MTF1: variants seen among roughly 807,000 people sequenced by gnomAD.
MTF1 encodes MRE-binding transcription factor.
A neutral mutation model predicts 70.4 loss-of-function variants in MTF1; 22 were observed. The observed-to-expected ratio is 0.31, with a 90% CI of 0.22 to 0.45. MTF1 has a LOEUF of 0.45. Ranked by LOEUF, MTF1 falls within the 20% of genes least tolerant of loss-of-function variation. MTF1 has a pLI of 1.00. For synonymous variants in MTF1, 333 were observed against 352.8 expected (o/e 0.94, Z 0.63); for missense variants, 649 against 922.0 (o/e 0.70, Z 3.83).
intron 2 of MTF1, among the ~76,000 whole-genome samples, chr1:37,847,955 C>A (rs1025777253): frequency 6.6e-6 from 1 of 152,094 alleles, no homozygotes; most frequent in African/African-American, 2.4e-5. Flanking sequence ...CAAAGTGAGA[C>A]CCTGTCTCAA....
In MTF1 at chr1:37,833,031, A is replaced by ATAG. The variant is rs1557591907; in HGVS notation, c.991-710_991-709insCTA. On this transcript the variant is annotated intron_variant, in intron 6 of 10. Coordinates refer to ENST00000373036, the MANE Select transcript of MTF1 (RefSeq NM_005955.3). ...CAAAAAAAAAAAAATAATAATAATAATAAAGAGTTTTAACATTATCTTATG... is the reference window on the plus strand; with the variant it reads ...CAAAAAAAAAAAAATAATAATAATAATAGTAAAGAGTTTTAACATTATCTTATG... Among the ~76,000 whole-genome samples, 5 of 151,944 alleles carry ATAG rather than the reference A, an allele frequency of 3.3e-5. No homozygotes were observed. The South Asian group carries it at 1.0e-3, about 32-fold the overall frequency.
At chr1:37,828,955 G>A (rs1466014584) in intron 7 of MTF1, among the ~76,000 whole-genome samples, 6 of 152,232 alleles carry the variant, frequency 3.9e-5, no homozygotes, top group African/African-American at 9.6e-5. Flanking sequence ...AAAAGGCTTC[G>A]AGAAGGCCAT....
At chr1:37,842,583 C>T (rs921100173) in intron 2 of MTF1, among the ~76,000 whole-genome samples, 1 of 152,210 alleles carries the variant, frequency 6.6e-6, no homozygotes, top group Non-Finnish European at 1.5e-5. Context: ...ACTTCTTTCC[C>T]TTAACCTCTA....
At chr1:37,816,760 G>A (rs1640824917) in intron 10 of MTF1, among the ~76,000 whole-genome samples, 1 of 152,130 alleles carries the variant, frequency 6.6e-6, no homozygotes. Context: ...TACTTGGGGG[G>A]CTGAGGCAAG....
At position 37,822,069 on chromosome 1, in the gene MTF1, A is replaced by C. The variant is rs1640918724; in HGVS notation, c.1767+52T>G. On this transcript the variant is annotated intron_variant, in intron 9 of 10. Coordinates refer to ENST00000373036, the MANE Select transcript of MTF1 (RefSeq NM_005955.3). Reference sequence around the variant, plus strand: ...TGAAGTAAAAGCTTCTGAACATGTCACCTATGTAAATACACTTCACCCCAC... The same window carrying C: ...TGAAGTAAAAGCTTCTGAACATGTCCCCTATGTAAATACACTTCACCCCAC... The C allele has an allele frequency of 3.6e-6, 5 of 1,395,110 alleles. No individual in the cohort carries two copies. The East Asian group carries it at 1.2e-4, about 32-fold the overall frequency. 86.4% of individuals were successfully genotyped at this position (1,395,110 alleles called of 1,614,324 possible).
chr1:37,817,595 G>A, intron 9 of MTF1, 113 bp from the exon 10 acceptor site: 1 of 765,588 alleles, frequency 1.3e-6, no homozygotes, highest in East Asian at 2.4e-5. Flanking sequence ...AACCCTTAGT[G>A]TTCAGGGATT....
At chr1:37,858,031 AG>A (rs1224332197) in intron 1 of MTF1, among the ~76,000 whole-genome samples, 1 of 150,996 alleles carries the variant, frequency 6.6e-6, no homozygotes, top group East Asian at 1.9e-4. Context: ...AAAAAAAAAA[AG>A]AAAAAGAAAG....
intron 7 of MTF1, among the ~76,000 whole-genome samples, chr1:37,828,407 T>G (rs1024027129): frequency 3.3e-5 from 5 of 152,154 alleles, no homozygotes; most frequent in East Asian, 1.9e-4. Flanking sequence ...ACGGTTCAAG[T>G]GATTCTCCTG....
chr1:37,839,524 C>T (rs1050404828), intron 3 of MTF1, among the ~76,000 whole-genome samples: 2 of 152,174 alleles, frequency 1.3e-5, no homozygotes, highest in Non-Finnish European at 2.9e-5. Context: ...AGGCCACTCC[C>T]CATTTCTCAG....
intron 9 of MTF1, 91 bp downstream of exon 9, chr1:37,822,030 G>T: frequency 9.8e-7 from 1 of 1,022,818 alleles, no homozygotes; most frequent in Non-Finnish European, 1.4e-6. Context: ...GGATATGACA[G>T]CCACTTTTCT....
rs769015951 is a variant in MTF1, at chr1:37,822,669, C to A, written c.1219G>T (p.Val407Phe). 5.9e-5 allele frequency: 95 copies of A among 1,613,590 alleles called. No homozygotes were observed. The highest frequency in any genetic ancestry group is 7.8e-5 in the Non-Finnish European group (92 of 1,180,006). Residue 407 changes from valine to phenylalanine, a missense_variant, in exon 9 of 11, where the codon GTT becomes TTT. This residue lies in a region of MTF1 where 267 missense variants were observed against 292.1 expected (regional missense o/e 0.91). Coordinates refer to ENST00000373036, the MANE Select transcript of MTF1 (RefSeq NM_005955.3). ...GCTGAATTTCCTGTGGATGGCGGAA[C>A]ATCACTGACTGACTCTGCATCACCA... ...FNGDAESVSD[V>F]PPSTGNSASL... is the part of the protein sequence containing the mutation.
In MTF1 at chr1:37,840,306, T is replaced by C. The variant is rs1641236360; in HGVS notation, c.409-148A>G. 3.0e-6 allele frequency: 2 copies of C among 666,308 alleles called. No individual in the cohort carries two copies. The highest frequency in any genetic ancestry group is 5.3e-6 in the Non-Finnish European group (2 of 379,764). The allele number at this position is 666,308 out of a possible 1,614,324, so 41.3% of individuals were successfully genotyped here. ...CAGAAAACAGCCTCTAGCAGCAAAG[T>C]GGAAAAACCTTATTGTTGATCAAAT... is the stretch of plus-strand genomic sequence containing the variant. On this transcript the variant is annotated intron_variant, in intron 2 of 10. Coordinates refer to ENST00000373036, the MANE Select transcript of MTF1 (RefSeq NM_005955.3). The surrounding 1 kb of genome is among the most constrained non-coding windows in gnomAD (Gnocchi z 4.5).
intron 7 of MTF1, chr1:37,826,478 G>T (rs1641003001): frequency 2.4e-6 from 1 of 424,718 alleles, no homozygotes; most frequent in Non-Finnish European, 4.6e-6. Flanking sequence ...TAGAGATAAG[G>T]TCCTGCTACG....
At chr1:37,843,303 GTT>G in intron 2 of MTF1, among the ~76,000 whole-genome samples, 1 of 148,230 alleles carries the variant, frequency 6.7e-6, no homozygotes, top group African/African-American at 2.5e-5. Flanking sequence ...GCCTGGCCTG[GTT>G]TTTTTTTTTA....
At chr1:37,824,742 T>C (rs904837139) in intron 7 of MTF1, among the ~76,000 whole-genome samples, 5 of 152,180 alleles carry the variant, frequency 3.3e-5, no homozygotes, top group Non-Finnish European at 5.9e-5. Flanking sequence ...TGCAACTTGC[T>C]TTCCTCATGT....
intron 7 of MTF1, among the ~76,000 whole-genome samples, chr1:37,827,698 G>A (rs550670802): frequency 3.3e-5 from 5 of 152,176 alleles, no homozygotes; most frequent in African/African-American, 9.6e-5. Flanking sequence ...GAGCCACCAC[G>A]ACCAGCCATA....
intron 2 of MTF1, among the ~76,000 whole-genome samples, chr1:37,849,549 G>GT (rs533376859): frequency 3.6e-4 from 55 of 152,278 alleles, no homozygotes; most frequent in African/African-American, 1.2e-3. Context: ...GATTCCTAGG[G>GT]TTTTTTCATG....
Position 37,840,061 on chromosome 1 carries a change from G to A in MTF1, c.506C>T (p.Thr169Ile). ...ACAGCCCTCCTGATTACAGACAAAG[G>A]TGTACTCTCCTCGGTGAGTCTTCTG... ...THQKTHRGEY[T>I]FVCNQEGCGK... The change falls in exon 3 of 11, where the codon ACC becomes ATC. Residue 169 changes from threonine (T) to isoleucine (I), a missense_variant. Thr to Ile is a moderately conservative substitution (Grantham distance 89). Around this residue, in one of 7 missense-constraint regions of MTF1, gnomAD observed 118 missense variants for 287.2 expected, o/e 0.41. Coordinates refer to ENST00000373036, the MANE Select transcript of MTF1 (RefSeq NM_005955.3). The surrounding 1 kb of genome is among the most constrained non-coding windows in gnomAD (Gnocchi z 4.5). The A allele has an allele frequency of 6.2e-7, 1 of 1,614,278 alleles. No homozygotes were observed. The highest frequency in any genetic ancestry group is 8.5e-7 in the Non-Finnish European group (1 of 1,180,056).
rs1641237855 is a variant in MTF1 at position 37,840,389 on chromosome 1, A to G, written c.409-231T>C. On this transcript the variant is annotated intron_variant, in intron 2 of 10. Coordinates refer to ENST00000373036, the MANE Select transcript of MTF1 (RefSeq NM_005955.3). This position sits in a 1 kb window ranked among gnomAD's most constrained non-coding sequence, Gnocchi z 4.5. Reference sequence around the variant, plus strand: ...AAGAAATAAGTCTATATGTAGATGAATATTCTAAATGAACATAAGAATGTT... The same window carrying G: ...AAGAAATAAGTCTATATGTAGATGAGTATTCTAAATGAACATAAGAATGTT... 5.1e-6 allele frequency: 3 copies of G among 585,034 alleles called. No homozygotes were observed. The South Asian group carries it at 5.2e-5, about 10-fold the overall frequency. 36.2% of individuals were successfully genotyped at this position (585,034 alleles called of 1,614,324 possible).
Sources: allele counts gnomAD v4.1 joint callset (sites outside exome capture counted in the v4.1 genomes callset), GRCh38; gene constraint gnomAD v4.1.1; regional missense constraint gnomAD v4.1.1; non-coding constraint Gnocchi (gnomAD v3.1); transcripts MANE v1.5; gene names NCBI Gene and HGNC (gene_info 2026-07-23, HGNC 2026-07-21).